The following SEMA4D variants were observed in gnomAD, a reference collection of about 807,000 sequenced individuals.
SEMA4D encodes semaphorin 4D.
Under a neutral mutation model 74.8 loss-of-function variants are expected in SEMA4D, and 22 were observed. The ratio of observed to expected loss-of-function variants is 0.29; its 90% CI spans 0.21 to 0.42. The LOEUF (loss-of-function observed/expected upper bound fraction) is 0.42. Ranked by LOEUF, SEMA4D falls within the 10% of genes least tolerant of loss-of-function variation. The pLI, the probability that SEMA4D is intolerant of heterozygous loss-of-function variation, is 1.00. For synonymous variants in SEMA4D, 445 were observed against 463.7 expected, an observed-to-expected ratio of 0.96 and a Z score of 0.52; for missense variants, 937 against 1,118.4, an observed-to-expected ratio of 0.84 and a Z score of 2.31.
At chr9:89,423,011 G>A (rs1268949925) in intron 2 of SEMA4D, among the ~76,000 whole-genome samples, 1 of 152,126 alleles carries the variant, frequency 6.6e-6, no homozygotes, top group East Asian at 1.9e-4. Flanking sequence ...AGAGGCTCAG[G>A]GCTTCTACTG....
At chr9:89,364,021 A>AG (rs770320800) in intron 16 of SEMA4D, 3 of 1,612,838 alleles carry the variant, frequency 1.9e-6, no homozygotes, top group East Asian at 4.5e-5. Flanking sequence ...ATGAGGGTGC[A>AG]GGGGGGTTAC....
intron 2 of SEMA4D, among the ~76,000 whole-genome samples, chr9:89,429,464 TG>T (rs1300795853): frequency 2.0e-5 from 3 of 152,026 alleles, no homozygotes; most frequent in Admixed American, 6.6e-5. Flanking sequence ...ATATCAGTGT[TG>T]GGGGGTAGGG....
intron 6 of SEMA4D, 92 bp downstream of exon 6, chr9:89,396,641 TAGGG>T: frequency 9.9e-7 from 1 of 1,013,564 alleles, no homozygotes; most frequent in Non-Finnish European, 1.5e-6. Flanking sequence ...TATTTTTTTT[TAGGG>T]TGGAGACAGC....
intron 6 of SEMA4D, among the ~76,000 whole-genome samples, chr9:89,393,919 C>G (rs1840372311): frequency 6.6e-6 from 1 of 152,246 alleles, no homozygotes; most frequent in Non-Finnish European, 1.5e-5. Context: ...ATTTACTCAT[C>G]TGCAAAATGG....
intron 1 of SEMA4D, among the ~76,000 whole-genome samples, chr9:89,467,252 G>A (rs925674081): frequency 6.6e-5 from 10 of 151,986 alleles, no homozygotes; most frequent in South Asian, 2.1e-4. Context: ...CCAGCTTCCC[G>A]GCTCCTTACA....
downstream of SEMA4D, chr9:89,376,739 A>G (rs1835840174): frequency 6.9e-7 from 1 of 1,457,850 alleles, no homozygotes. Context: ...GTAAAGGAAC[A>G]TGTGGAGGGA....
chr9:89,427,254 G>A (rs1435431226), intron 2 of SEMA4D, among the ~76,000 whole-genome samples: 5 of 152,136 alleles, frequency 3.3e-5, no homozygotes, highest in African/African-American at 7.2e-5. Flanking sequence ...TTCCCTTCCT[G>A]GGGAGTCAGA....
At chr9:89,366,122 G>A (rs1382587796) in intron 16 of SEMA4D, among the ~76,000 whole-genome samples, 8 of 152,190 alleles carry the variant, frequency 5.3e-5, no homozygotes, top group African/African-American at 1.4e-4. Flanking sequence ...TCACTCATTC[G>A]AAGTGCCATC....
intron 1 of SEMA4D, among the ~76,000 whole-genome samples, chr9:89,469,349 G>A (rs78608921): frequency 0.17 from 26,093 of 152,150 alleles, no homozygotes; most frequent in East Asian, 0.27. Context: ...ATGTTTGGTA[G>A]AATTTTCCAG....
At position 89,391,410 on chromosome 9, in the gene SEMA4D, T is replaced by C; in HGVS notation, c.628A>G (p.Ser210Gly). 1 of 1,614,190 alleles carries C rather than the reference T, an allele frequency of 6.2e-7. No homozygotes were observed. Among genetic ancestry groups the C allele is most frequent in the Non-Finnish European group, 8.5e-7 (1 of 1,180,036 alleles). Residue 210 changes from serine to glycine, a missense_variant, in exon 9 of 16, where the codon AGT becomes GGT. Coordinates refer to ENST00000422704, the MANE Select transcript of SEMA4D (RefSeq NM_001371194.2). ...CGGATCACGTCAGCAAACACGAAAC[T>C]AGGCTCTGCAGAGAGAGGACAGTGA... Reference protein sequence around the residue: ...EYAIPWLNEPSFVFADVIRKS... With the variant: ...EYAIPWLNEPGFVFADVIRKS...
At position 89,392,543 on chromosome 9, in the gene SEMA4D, G is replaced by A; in HGVS notation, c.509-7C>T. On this transcript the variant is annotated splice_region_variant and splice_polypyrimidine_tract_variant and intron_variant, in intron 7 of 15. Coordinates refer to ENST00000422704, the MANE Select transcript of SEMA4D (RefSeq NM_001371194.2). ...CCCGAATAAAGTTCTCCATCTGCAGGGGCCCAGAAGAAAAGAGGAAAAGGG... is the reference window on the plus strand; with the variant it reads ...CCCGAATAAAGTTCTCCATCTGCAGAGGCCCAGAAGAAAAGAGGAAAAGGG... 1 of 1,595,218 alleles carries A rather than the reference G, an allele frequency of 6.3e-7. No individual in the cohort carries two copies. Among genetic ancestry groups the A allele is most frequent in the Non-Finnish European group, 8.6e-7 (1 of 1,162,916 alleles).
At chr9:89,445,013 C>T (rs376570322) in intron 2 of SEMA4D, among the ~76,000 whole-genome samples, 1 of 152,120 alleles carries the variant, frequency 6.6e-6, no homozygotes, top group African/African-American at 2.4e-5. Flanking sequence ...CACAGAATAT[C>T]CAACAAGGAT....
intron 2 of SEMA4D, among the ~76,000 whole-genome samples, chr9:89,433,841 G>A (rs1034263184): frequency 6.6e-6 from 1 of 152,168 alleles, no homozygotes; most frequent in African/African-American, 2.4e-5. Context: ...CTGGATGCTG[G>A]TACCAGCATA....
At chr9:89,431,274 G>A (rs540953897) in intron 2 of SEMA4D, among the ~76,000 whole-genome samples, 347 of 152,182 alleles carry the variant, frequency 2.3e-3, no homozygotes, top group African/African-American at 7.8e-3. Context: ...CTGCTCCTGC[G>A]GGTGAGCCAC....
At chr9:89,475,624 C>T (rs1345900637) in intron 1 of SEMA4D, among the ~76,000 whole-genome samples, 1 of 152,210 alleles carries the variant, frequency 6.6e-6, no homozygotes, top group African/African-American at 2.4e-5. Context: ...CCCTACTGAT[C>T]CATCAGGCAG....
At chr9:89,476,321 A>G (rs557024364) in intron 1 of SEMA4D, among the ~76,000 whole-genome samples, 3 of 152,360 alleles carry the variant, frequency 2.0e-5, no homozygotes, top group African/African-American at 7.2e-5. Flanking sequence ...ACTGGGGAGC[A>G]CTGACCAGTG....
intron 2 of SEMA4D, among the ~76,000 whole-genome samples, chr9:89,443,431 G>A (rs963424004): frequency 2.6e-5 from 4 of 152,186 alleles, no homozygotes; most frequent in Admixed American, 6.5e-5. Context: ...GGTGTACCAC[G>A]GTCCTGTTGT....
chr9:89,380,024 T>A, intron 15 of SEMA4D, among the ~76,000 whole-genome samples: 1 of 152,180 alleles, frequency 6.6e-6, no homozygotes, highest in Admixed American at 6.5e-5. Flanking sequence ...TCCTCCTGCC[T>A]AAACTTTTCT....
intron 1 of SEMA4D, among the ~76,000 whole-genome samples, chr9:89,480,670 C>A (rs1433929813): frequency 3.3e-5 from 5 of 152,234 alleles, no homozygotes; most frequent in African/African-American, 1.2e-4. Context: ...GGTGCTAAGT[C>A]CCCCATTGCC....
Sources: allele counts gnomAD v4.1 joint callset (sites outside exome capture counted in the v4.1 genomes callset), GRCh38; gene constraint gnomAD v4.1.1; transcripts MANE v1.5; gene names NCBI Gene and HGNC (gene_info 2026-07-23, HGNC 2026-07-21).